The following FGF12 variants were observed in gnomAD, a reference collection of about 807,000 sequenced individuals.
The protein encoded by FGF12 is fibroblast growth factor 12, also known as fibroblast growth factor 12B.
In FGF12, 14 loss-of-function variants were observed where a neutral mutation model predicts 23.6. That is an observed-to-expected ratio of 0.59 (90% CI 0.39 to 0.93). The LOEUF is 0.93. Among genes scored for constraint, FGF12 ranks in the 40% least tolerant of loss-of-function variants. FGF12 has a pLI of 0.00. For synonymous variants in FGF12, 62 were observed against 77.3 expected, an observed-to-expected ratio of 0.80 and a Z score of 1.04; for missense variants, 175 against 217.8, an observed-to-expected ratio of 0.80 and a Z score of 1.24.
intron 2 of FGF12, among the ~76,000 whole-genome samples, chr3:192,490,378 C>A (rs1223890964): frequency 6.6e-6 from 1 of 151,646 alleles, no homozygotes; most frequent in Non-Finnish European, 1.5e-5. Context: ...GTAAGTCTAC[C>A]CCTAGTAATG....
intron 4 of FGF12, among the ~76,000 whole-genome samples, chr3:192,270,992 T>C (rs756140616): frequency 2.6e-5 from 4 of 152,154 alleles, no homozygotes; most frequent in South Asian, 2.1e-4. Flanking sequence ...AGATAGTATA[T>C]TGGCAGGCAG....
chr3:192,211,609 T>A (rs1449538754), intron 4 of FGF12, among the ~76,000 whole-genome samples: 1 of 152,040 alleles, frequency 6.6e-6, no homozygotes, highest in Admixed American at 6.5e-5. Flanking sequence ...GTATTTTTAG[T>A]AGAGACGGGG....
chr3:192,160,342 C>T (rs1433069527), intron 5 of FGF12, among the ~76,000 whole-genome samples: 4 of 152,100 alleles, frequency 2.6e-5, no homozygotes, highest in Admixed American at 2.6e-4. Context: ...TTCCTTTAAT[C>T]AATCCATTCT....
chr3:192,233,134 T>C (rs921767601), intron 4 of FGF12, among the ~76,000 whole-genome samples: 1 of 152,226 alleles, frequency 6.6e-6, no homozygotes, highest in Non-Finnish European at 1.5e-5. Context: ...TCTGGGCTGC[T>C]TCCCACAATG....
rs1056319109 is a variant in FGF12 at position 192,725,375 on chromosome 3, G to C, written c.13+1806C>G. 2.0e-5 allele frequency among the ~76,000 whole-genome samples: 3 copies of C among 151,684 alleles called. No homozygotes were observed. In the East Asian group the frequency reaches 5.8e-4, roughly 29 times the overall value. ...AAAAGTCTTCGTTGCCTTTGGATCA[G>C]TGCTGTGATTCACTATATCATTGCT... On this transcript the variant is annotated intron_variant, in intron 2 of 5. Transcript: ENST00000445105.
At chr3:192,701,080 C>G (rs1718279215) in intron 2 of FGF12, among the ~76,000 whole-genome samples, 1 of 152,118 alleles carries the variant, frequency 6.6e-6, no homozygotes, top group Non-Finnish European at 1.5e-5. Context: ...AGCTCAGATG[C>G]CTGGTACCTG....
chr3:192,543,818 G>T (rs1317239883), intron 2 of FGF12, among the ~76,000 whole-genome samples: 1 of 152,162 alleles, frequency 6.6e-6, no homozygotes, highest in African/African-American at 2.4e-5. Flanking sequence ...CTGGAATTAA[G>T]GTCTGGGATG....
chr3:192,536,001 C>G (rs1725214239), intron 2 of FGF12, among the ~76,000 whole-genome samples: 1 of 152,154 alleles, frequency 6.6e-6, no homozygotes, highest in East Asian at 1.9e-4. Flanking sequence ...TTTTACATAG[C>G]TTGTAGGGTA....
At chr3:192,438,181 T>A (rs1722086550) in intron 2 of FGF12, among the ~76,000 whole-genome samples, 1 of 152,236 alleles carries the variant, frequency 6.6e-6, no homozygotes, top group African/African-American at 2.4e-5. Context: ...CTTTAAAAAA[T>A]CTCACATGTG....
chr3:192,454,920 G>A (rs1161778013), intron 2 of FGF12, among the ~76,000 whole-genome samples: 1 of 150,362 alleles, frequency 6.7e-6, no homozygotes, highest in Non-Finnish European at 1.5e-5. Context: ...ATGTCTGTGG[G>A]CTTGGACATC....
chr3:192,460,200 C>T (rs1366805615), intron 2 of FGF12, among the ~76,000 whole-genome samples: 1 of 152,130 alleles, frequency 6.6e-6, no homozygotes, highest in Non-Finnish European at 1.5e-5. Context: ...TCATAATAGG[C>T]AAAGAAAATG....
At chr3:192,401,852 A>C (rs1481313944) in intron 2 of FGF12, among the ~76,000 whole-genome samples, 2 of 152,190 alleles carry the variant, frequency 1.3e-5, no homozygotes, top group Non-Finnish European at 2.9e-5. Context: ...TCTTCATGCA[A>C]GTTGTTCTCT....
In FGF12 at chr3:192,538,779, T is replaced by C. The variant is rs185262480; in HGVS notation, c.14-178241A>G. ...ATTCTTCCAATCCATGAACATGGAA[T>C]ATCTTTTCATTTCTTTGTTGTGCTC... On this transcript the variant is annotated intron_variant, in intron 2 of 5. Coordinates refer to ENST00000445105, the MANE Select transcript of FGF12 (RefSeq NM_004113.6). Among the ~76,000 whole-genome samples, 16 of 152,360 alleles carry C rather than the reference T, an allele frequency of 1.1e-4. No individual in the cohort carries two copies. The East Asian group carries it at 3.1e-3, about 29-fold the overall frequency.
intron 2 of FGF12, among the ~76,000 whole-genome samples, chr3:192,369,647 C>T (rs1464945): frequency 6.6e-6 from 1 of 152,116 alleles, no homozygotes; most frequent in Non-Finnish European, 1.5e-5. Flanking sequence ...GCATTAGCCC[C>T]CTTCCTCCTA....
chr3:192,559,967 G>A (rs1286506284), intron 2 of FGF12, among the ~76,000 whole-genome samples: 1 of 152,012 alleles, frequency 6.6e-6, no homozygotes, highest in African/African-American at 2.4e-5. Flanking sequence ...TGCTAAAAAT[G>A]TTCAAGATTC....
intron 2 of FGF12, among the ~76,000 whole-genome samples, chr3:192,640,795 T>TG (rs1553842599): frequency 1.3e-5 from 2 of 150,014 alleles, no homozygotes; most frequent in African/African-American, 2.5e-5. Flanking sequence ...AACCCCTTTT[T>TG]TTTGTTTGTT....
intron 4 of FGF12, among the ~76,000 whole-genome samples, chr3:192,236,599 T>C (rs1719310109): frequency 6.6e-6 from 1 of 152,216 alleles, no homozygotes; most frequent in Admixed American, 6.5e-5. Flanking sequence ...TTTATCATTA[T>C]GAAATTCCCT....
chr3:192,622,324 T>C (rs775472995), intron 2 of FGF12, among the ~76,000 whole-genome samples: 4 of 152,146 alleles, frequency 2.6e-5, no homozygotes, highest in Non-Finnish European at 5.9e-5. Context: ...ATCGAACCGA[T>C]GAGACAGTAG....
chr3:192,177,539 TAC>T (rs2108628663), intron 4 of FGF12, among the ~76,000 whole-genome samples: 1 of 152,344 alleles, frequency 6.6e-6, no homozygotes, highest in South Asian at 2.1e-4. Context: ...TTAATATAAT[TAC>T]ACGATACCAT....
Sources: gnomAD v4.1 joint callset for allele counts (sites outside exome capture counted in the v4.1 genomes callset) on GRCh38, gnomAD v4.1.1 for gene constraint, MANE v1.5 for transcripts, NCBI Gene and HGNC (gene_info 2026-07-23, HGNC 2026-07-21) for gene names.